TTC7A: variants seen among roughly 807,000 people sequenced by gnomAD.
TTC7A encodes the protein tetratricopeptide repeat domain 7A, also known as tetratricopeptide repeat protein 7A.
TTC7A carries 110 observed loss-of-function variants against 103.7 expected under a neutral mutation model. The ratio of observed to expected loss-of-function variants is 1.06; its 90% CI spans 0.91 to 1.24. The LOEUF is 1.24. Ranked by LOEUF, TTC7A falls within the 50% of genes most tolerant of loss-of-function variation. TTC7A has a pLI of 0.00. For synonymous variants in TTC7A, 521 were observed against 467.9 expected, an observed-to-expected ratio of 1.11 and a Z score of -1.47; for missense variants, 1,340 against 1,116.3, an observed-to-expected ratio of 1.20 and a Z score of -2.86.
intron 5 of TTC7A, among the ~76,000 whole-genome samples, chr2:46,986,698 G>A (rs1157453023): frequency 1.3e-5 from 2 of 152,180 alleles, no homozygotes; most frequent in African/African-American, 4.8e-5. Context: ...ATGGGCCTGG[G>A]TGGACCCAGC....
intron 3 of TTC7A, among the ~76,000 whole-genome samples, chr2:46,973,656 G>T (rs7564738): frequency 1.1e-3 from 173 of 152,306 alleles, no homozygotes; most frequent in East Asian, 3.7e-3. Flanking sequence ...CTCAGCTCCA[G>T]ATACCTTCAC....
Position 46,975,882 on chromosome 2 carries a change from G to A in TTC7A, c.648+779G>A, listed in dbSNP as rs1466856510. On this transcript the variant is annotated intron_variant, in intron 4 of 19. Coordinates refer to ENST00000319190, the MANE Select transcript of TTC7A (RefSeq NM_020458.4). The stretch of plus-strand genomic sequence containing the variant: ...CTTTCGAGTAGCTGGGACTACAGGC[G>A]CCTGCCACCGTGCCCTTCTAATTTT... 5.3e-5 allele frequency among the ~76,000 whole-genome samples: 8 copies of A among 152,084 alleles called. No individual in the cohort carries two copies. The South Asian group carries it at 1.0e-3, about 20-fold the overall frequency.
chr2:47,054,018 G>A, intron 18 of TTC7A: 2 of 763,776 alleles, frequency 2.6e-6, no homozygotes, highest in African/African-American at 3.8e-5. Flanking sequence ...ATTAGACTTG[G>A]GAATGTCAAG....
chr2:46,930,358 A>G (rs1455261275), intron 2 of TTC7A, among the ~76,000 whole-genome samples: 1 of 151,906 alleles, frequency 6.6e-6, no homozygotes, highest in Non-Finnish European at 1.5e-5. Flanking sequence ...AAATTCTACG[A>G]ACACTTAAAA....
intron 3 of TTC7A, among the ~76,000 whole-genome samples, chr2:46,971,785 C>T (rs4542901): frequency 0.13 from 19,740 of 152,070 alleles, 1,487 homozygotes; most frequent in African/African-American, 0.2. Flanking sequence ...CATCTTGAGC[C>T]TCTACTTACT....
chr2:46,954,603 G>A (rs1455459013), intron 2 of TTC7A, among the ~76,000 whole-genome samples: 4 of 128,768 alleles, frequency 3.1e-5, no homozygotes, highest in African/African-American at 9.5e-5. Flanking sequence ...ACGGAGTCTC[G>A]CTCTGTCACC....
chr2:46,926,365 T>C (rs1669384032), intron 2 of TTC7A, among the ~76,000 whole-genome samples: 1 of 152,122 alleles, frequency 6.6e-6, no homozygotes. Context: ...ACAGTCTAGA[T>C]GGGGAGAGAA....
intron 3 of TTC7A, among the ~76,000 whole-genome samples, chr2:46,967,307 A>T (rs1395621692): frequency 6.6e-6 from 1 of 152,192 alleles, no homozygotes; most frequent in Non-Finnish European, 1.5e-5. Context: ...TTGTGCAACC[A>T]ATCTCCTGAA....
At chr2:46,952,418 A>T (rs182113538) in intron 2 of TTC7A, among the ~76,000 whole-genome samples, 5 of 152,348 alleles carry the variant, frequency 3.3e-5, no homozygotes, top group Admixed American at 2.6e-4. Context: ...ATTCAGCCTT[A>T]TTGTAAAAAT....
In TTC7A at chr2:47,073,749, G is replaced by T; in HGVS notation, c.2403G>T (p.Val801=). 1.2e-6 allele frequency: 2 copies of T among 1,613,856 alleles called. No individual in the cohort carries two copies. Among genetic ancestry groups the T allele is most frequent in the Non-Finnish European group, 1.7e-6 (2 of 1,180,022 alleles). The change falls in exon 20 of 20, where the codon GTG becomes GTT. Residue 801 remains valine (V), a synonymous_variant. Transcript: ENST00000319190. Reference sequence around the variant, plus strand: ...GCCACAAGAGCTTGGCCCAGAAGGTGCTTCGTGATGCCGTGGAGAGGCAGA... The same window carrying T: ...GCCACAAGAGCTTGGCCCAGAAGGTTCTTCGTGATGCCGTGGAGAGGCAGA... The part of the protein sequence containing the change: ...RLGHKSLAQK[V]LRDAVERQST...
chr2:47,067,139 A>G (rs920102947), intron 19 of TTC7A, among the ~76,000 whole-genome samples: 3 of 152,226 alleles, frequency 2.0e-5, no homozygotes, highest in African/African-American at 4.8e-5. Context: ...TCACACTTCA[A>G]TTCTGCTGAT....
At chr2:47,008,864 G>A (rs1194040107) in intron 10 of TTC7A, among the ~76,000 whole-genome samples, 10 of 151,788 alleles carry the variant, frequency 6.6e-5, no homozygotes, top group Admixed American at 2.0e-4. Flanking sequence ...CTCTCTGTGC[G>A]GCAATTGCAT....
chr2:46,972,197 T>TA (rs758796527), intron 3 of TTC7A, among the ~76,000 whole-genome samples: 3,545 of 147,702 alleles, frequency 0.024, 66 homozygotes, highest in Non-Finnish European at 0.033. Flanking sequence ...TTTCCTGTCT[T>TA]AAAAAAAAAA....
At position 47,047,064 on chromosome 2, in the gene TTC7A, G is replaced by C. The variant is rs369723054; in HGVS notation, c.1919+633G>C. On this transcript the variant is annotated intron_variant, in intron 16 of 19. Transcript: ENST00000319190. Reference sequence around the variant, plus strand: ...GGCCAGAGCAGGGCACTCTTGTCCAGGCTGAATCTGCAGGAAGTCTTTGCT... The same window carrying C: ...GGCCAGAGCAGGGCACTCTTGTCCACGCTGAATCTGCAGGAAGTCTTTGCT... 1.4e-4 allele frequency: 79 copies of C among 568,848 alleles called. 4 individuals carry two copies. The South Asian group carries it at 1.6e-3, about 11-fold the overall frequency. The allele number at this position is 568,848 out of a possible 1,614,324, so 35.2% of individuals were successfully genotyped here.
intron 2 of TTC7A, among the ~76,000 whole-genome samples, chr2:46,934,352 G>A (rs1669858463): frequency 1.3e-5 from 2 of 152,166 alleles, no homozygotes; most frequent in Admixed American, 6.5e-5. Flanking sequence ...TCTGCCTTCC[G>A]GGTTCAAGCA....
chr2:46,957,251 C>T lies in TTC7A; in HGVS notation c.517+244C>T, dbSNP rs1423205487. Among the ~76,000 whole-genome samples the T allele has an allele frequency of 2.0e-5, 3 of 152,250 alleles. No homozygotes were observed. The East Asian group carries it at 5.8e-4, about 29-fold the overall frequency. On this transcript the variant is annotated intron_variant, in intron 3 of 19. Transcript: ENST00000319190. Reference sequence around the variant, plus strand: ...AACAACAATTACCCTACTTTGTGTACCCTTGGGCAATCACCTCTTCACCTC... The same window carrying T: ...AACAACAATTACCCTACTTTGTGTATCCTTGGGCAATCACCTCTTCACCTC...
At chr2:47,022,121 A>T in intron 12 of TTC7A, 142 bp downstream of exon 12, 2 of 609,588 alleles carry the variant, frequency 3.3e-6, no homozygotes, top group Non-Finnish European at 2.9e-6. Context: ...AGAGATGCCC[A>T]TGTGTGCACA....
intron 15 of TTC7A, among the ~76,000 whole-genome samples, chr2:47,040,143 T>C (rs1006139053): frequency 2.0e-5 from 3 of 152,188 alleles, no homozygotes; most frequent in African/African-American, 4.8e-5. Flanking sequence ...GGCAGCATCC[T>C]GACGAGGGCA....
chr2:46,956,943 C>T lies in TTC7A; in HGVS notation c.453C>T (p.Asp151=), dbSNP rs201840479. The T allele has an allele frequency of 6.6e-5, 107 of 1,614,202 alleles. No individual in the cohort carries two copies. The highest frequency in any genetic ancestry group is 8.7e-5 in the Non-Finnish European group (103 of 1,180,038). ...ISMYARAGID[D]MSMENKPLYQ... ...TGTACGCACGGGCCGGGATTGATGACATGTCCATGGAGAACAAGCCCCTGT... is the reference window on the plus strand; with the variant it reads ...TGTACGCACGGGCCGGGATTGATGATATGTCCATGGAGAACAAGCCCCTGT... Residue 151 remains aspartate, a synonymous_variant, in exon 3 of 20, where the codon GAC becomes GAT. Coordinates refer to ENST00000319190, the MANE Select transcript of TTC7A (RefSeq NM_020458.4).
Sources: allele counts gnomAD v4.1 joint callset (sites outside exome capture counted in the v4.1 genomes callset), GRCh38; gene constraint gnomAD v4.1.1; transcripts MANE v1.5; gene names NCBI Gene and HGNC (gene_info 2026-07-23, HGNC 2026-07-21).